The following ZNF676 variants were observed in gnomAD, a reference collection of about 807,000 sequenced individuals.
ZNF676 encodes zinc finger protein 676.
In ZNF676, 4 loss-of-function variants were observed where a neutral mutation model predicts 6.0. That is an observed-to-expected ratio of 0.67 (90% CI 0.33 to 1.53). ZNF676 has a LOEUF of 1.53. ZNF676 is among the 40% of genes most tolerant of loss of function. The pLI is 0.06. For synonymous variants in ZNF676, 198 were observed against 223.1 expected (o/e 0.89, Z 1.00); for missense variants, 644 against 679.7 (o/e 0.95, Z 0.58).
chr19:22,206,749 T>C (rs571314021), intron 1 of ZNF676, among the ~76,000 whole-genome samples: 114 of 151,836 alleles, frequency 7.5e-4, no homozygotes, highest in Non-Finnish European at 1.5e-3. Flanking sequence ...TAACCCACTA[T>C]GATCAACTAT....
the ZNF676 span, among the ~76,000 whole-genome samples, chr19:22,257,056 AG>A: frequency 2.6e-5 from 4 of 152,222 alleles, no homozygotes; most frequent in East Asian, 7.7e-4. Context: ...ATAACTCCTG[AG>A]GGAAGAGTCC....
intron 2 of ZNF676, among the ~76,000 whole-genome samples, chr19:22,189,419 A>G (rs1568528356): frequency 6.6e-6 from 1 of 152,104 alleles, no homozygotes; most frequent in Non-Finnish European, 1.5e-5. Context: ...TAAAAATCCT[A>G]GAAGAAAACC....
At chr19:22,210,335 C>T (rs989570352) in intron 1 of ZNF676, among the ~76,000 whole-genome samples, 4 of 152,154 alleles carry the variant, frequency 2.6e-5, no homozygotes, top group Non-Finnish European at 5.9e-5. Context: ...ATTGTCCTCA[C>T]TGCAGATGCC....
upstream of ZNF676, among the ~76,000 whole-genome samples, chr19:22,217,094 A>G (rs1213071582): frequency 1.3e-5 from 2 of 152,118 alleles, no homozygotes; most frequent in Non-Finnish European, 2.9e-5. Flanking sequence ...TAGGTGCACC[A>G]ATCTCCCAAG....
the ZNF676 span, among the ~76,000 whole-genome samples, chr19:22,255,652 T>A: frequency 0.016 from 2,413 of 152,152 alleles, 70 homozygotes; most frequent in African/African-American, 0.055. Context: ...GAGACCATCC[T>A]GGCTAACACG....
At chr19:22,217,454 A>G (rs865849864), upstream of ZNF676, among the ~76,000 whole-genome samples, 1 of 152,090 alleles carries the variant, frequency 6.6e-6, no homozygotes, top group African/African-American at 2.4e-5. Flanking sequence ...CGCCCACCTC[A>G]GCCTCCCAAA....
the ZNF676 span, among the ~76,000 whole-genome samples, chr19:22,251,585 C>T: frequency 8.5e-4 from 129 of 152,104 alleles, 4 homozygotes; most frequent in South Asian, 0.026. Flanking sequence ...GTCAGGGGTT[C>T]GAGACCAGCC....
chr19:22,232,342 A>T, the ZNF676 span, among the ~76,000 whole-genome samples: 1 of 151,782 alleles, frequency 6.6e-6, no homozygotes, highest in Non-Finnish European at 1.5e-5. Flanking sequence ...TAATTTTTGT[A>T]TTTTTAGTAG....
At chr19:22,206,674 CAA>C (rs968090047) in intron 1 of ZNF676, among the ~76,000 whole-genome samples, 3 of 134,600 alleles carry the variant, frequency 2.2e-5, no homozygotes, top group Non-Finnish European at 3.2e-5. Context: ...GACTCCATCT[CAA>C]AAAAAAAAAA....
the ZNF676 span, among the ~76,000 whole-genome samples, chr19:22,235,309 C>A: frequency 4.8e-3 from 729 of 152,324 alleles, 5 homozygotes; most frequent in Non-Finnish European, 8.3e-3. Context: ...GCTTGCACAG[C>A]AGCCTGGACC....
At chr19:22,253,424 GTATATATATATGATAA>G in the ZNF676 span, among the ~76,000 whole-genome samples, 106 of 52,350 alleles carry the variant, frequency 2.0e-3, no homozygotes, top group African/African-American at 5.3e-3. Flanking sequence ...ATATGATAAT[GTATATATATATGATAA>G]TGTGTATATA....
chr19:22,245,515 C>G, the ZNF676 span, among the ~76,000 whole-genome samples: 1 of 115,444 alleles, frequency 8.7e-6, no homozygotes, highest in African/African-American at 3.7e-5. Flanking sequence ...CCCCCCCCCC[C>G]ACCCCCAATA....
chr19:22,190,128 C>T (rs1170607325), intron 2 of ZNF676, among the ~76,000 whole-genome samples: 1 of 152,032 alleles, frequency 6.6e-6, no homozygotes, highest in Non-Finnish European at 1.5e-5. Context: ...AGCCAAATGC[C>T]CATCAGTAAT....
chr19:22,234,980 GAAAGAA>G, the ZNF676 span, among the ~76,000 whole-genome samples: 4 of 81,518 alleles, frequency 4.9e-5, no homozygotes, highest in African/African-American at 2.1e-4. Flanking sequence ...AAGAAAGAAA[GAAAGAA>G]AGAAAGAAAG....
intron 1 of ZNF676, among the ~76,000 whole-genome samples, chr19:22,196,190 A>G (rs1182962899): frequency 6.6e-6 from 1 of 152,146 alleles, no homozygotes; most frequent in Non-Finnish European, 1.5e-5. Context: ...ATCAAACAGC[A>G]AACTGTTTAT....
the ZNF676 span, among the ~76,000 whole-genome samples, chr19:22,237,695 T>C: frequency 1.2e-4 from 18 of 152,308 alleles, no homozygotes; most frequent in South Asian, 2.3e-3. Flanking sequence ...GATGGCAGCA[T>C]GCATCAGAAA....
chr19:22,249,560 G>A, the ZNF676 span, among the ~76,000 whole-genome samples: 203 of 152,142 alleles, frequency 1.3e-3, no homozygotes, highest in Non-Finnish European at 2.2e-3. Flanking sequence ...TTACAGGCAT[G>A]TGCCACCATG....
At chr19:22,192,337 G>T (rs114919746) in intron 2 of ZNF676, among the ~76,000 whole-genome samples, 2,655 of 152,044 alleles carry the variant, frequency 0.017, 47 homozygotes, top group African/African-American at 0.039. Context: ...TATATTTTAT[G>T]TCTATAGATT....
At position 22,196,014 on chromosome 19, in the gene ZNF676, G is replaced by A. The variant is rs146014029; in HGVS notation, c.34+586C>T. 1.3e-3 allele frequency among the ~76,000 whole-genome samples: 191 copies of A among 152,216 alleles called. 4 individuals carry two copies. Among genetic ancestry groups the A allele is most frequent in the Admixed American group, 0.011 (169 of 15,276 alleles). On this transcript the variant is annotated intron_variant, in intron 1 of 2. Coordinates refer to ENST00000397121, the MANE Select transcript of ZNF676 (RefSeq NM_001001411.3). ...TTTGGAGTAATGCTGTTCTGTCTCT[G>A]TTTTCTGTTCATAGTCTGTAAAATC...
Sources: gnomAD v4.1 joint callset for allele counts (sites outside exome capture counted in the v4.1 genomes callset) on GRCh38, gnomAD v4.1.1 for gene constraint, MANE v1.5 for transcripts, NCBI Gene and HGNC (gene_info 2026-07-23, HGNC 2026-07-21) for gene names.